The following DCDC2 variants were observed in gnomAD, a reference collection of about 807,000 sequenced individuals.
The protein encoded by DCDC2 is doublecortin domain containing 2, also known as doublecortin domain-containing protein 2.
A neutral mutation model predicts 50.2 loss-of-function variants in DCDC2; 40 were observed. The observed-to-expected ratio is 0.80, with a 90% CI of 0.62 to 1.04. The LOEUF is 1.04. Among genes scored for constraint, DCDC2 ranks in the 50% least tolerant of loss-of-function variants. The pLI is 0.00. For missense variants in DCDC2, 570 were observed against 581.9 expected (o/e 0.98, Z 0.21); for synonymous variants, 234 against 210.6 (o/e 1.11, Z -0.96).
At chr6:24,353,404 A>G in intron 2 of DCDC2, 165 bp downstream of exon 2, 1 of 652,762 alleles carries the variant, frequency 1.5e-6, no homozygotes, top group South Asian at 1.6e-5. Context: ...CATTTCTGAC[A>G]ATGATTCAAA....
chr6:24,313,294 T>C (rs1759604046), intron 2 of DCDC2, among the ~76,000 whole-genome samples: 1 of 152,118 alleles, frequency 6.6e-6, no homozygotes, highest in Non-Finnish European at 1.5e-5. Context: ...GAGAATAATA[T>C]GGCCCCCATA....
At chr6:24,265,535 C>T (rs778446998) in intron 7 of DCDC2, among the ~76,000 whole-genome samples, 8 of 150,016 alleles carry the variant, frequency 5.3e-5, no homozygotes, top group Non-Finnish European at 1.2e-4. Flanking sequence ...TTTAAAAAAA[C>T]TCAAAAAAAA....
At chr6:24,318,341 C>T (rs1312528312) in intron 2 of DCDC2, among the ~76,000 whole-genome samples, 2 of 152,184 alleles carry the variant, frequency 1.3e-5, no homozygotes, top group African/African-American at 2.4e-5. Flanking sequence ...AAGATCTTTA[C>T]ATACCAATAT....
Position 24,290,975 on chromosome 6 carries a change from T to C in DCDC2, c.661A>G (p.Ser221Gly), listed in dbSNP as rs2274305. The change falls in exon 5 of 10, where the codon AGT becomes GGT. Residue 221 changes from serine to glycine, a missense_variant. Coordinates refer to ENST00000378454, the MANE Select transcript of DCDC2 (RefSeq NM_016356.5). ...GRDKFKKLPY[S>G]ELLFDKSTMR... ...GTTGACTTGTCAAAAAGTAACTCACTGTAAGGCAGTTTCTTAAACTTATCT... is the reference window on the plus strand; with the variant it reads ...GTTGACTTGTCAAAAAGTAACTCACCGTAAGGCAGTTTCTTAAACTTATCT... The C allele has an allele frequency of 0.64, 1,035,539 of 1,613,216 alleles. 344,434 individuals are homozygous for C. Among genetic ancestry groups the C allele is most frequent in the East Asian group, 0.79 (35,241 of 44,834 alleles).
chr6:24,264,909 A>G (rs1167299936), intron 7 of DCDC2, among the ~76,000 whole-genome samples: 1 of 152,172 alleles, frequency 6.6e-6, no homozygotes, highest in Non-Finnish European at 1.5e-5. Context: ...CACAAACTGA[A>G]AATAAAGGGA....
At chr6:24,199,517 A>G (rs1484867977) in intron 8 of DCDC2, among the ~76,000 whole-genome samples, 1 of 152,222 alleles carries the variant, frequency 6.6e-6, no homozygotes. Context: ...GGTCAGCAAC[A>G]TCAAAGACCA....
chr6:24,279,846 A>C (rs1411642803), intron 6 of DCDC2, among the ~76,000 whole-genome samples: 2 of 152,208 alleles, frequency 1.3e-5, no homozygotes, highest in Admixed American at 6.5e-5. Context: ...ACTTGCCTTT[A>C]GGTCTAGCAT....
the DCDC2 span, among the ~76,000 whole-genome samples, chr6:24,381,508 T>TA: frequency 1.3e-5 from 2 of 152,256 alleles, no homozygotes; most frequent in Non-Finnish European, 2.9e-5. Context: ...AAGATGCTGC[T>TA]AAGCTGGCCT....
At chr6:24,208,571 A>T (rs1260598024) in intron 7 of DCDC2, among the ~76,000 whole-genome samples, 4 of 151,836 alleles carry the variant, frequency 2.6e-5, no homozygotes, top group Non-Finnish European at 5.9e-5. Flanking sequence ...GCGTTTCTCC[A>T]TGGTGGTTAG....
chr6:24,178,553 C>T lies in DCDC2; in HGVS notation c.1103G>A (p.Gly368Glu). ...TTCCTCTTCAAGGTCACCATTCATT[C>T]CTGAAAAGTCTTCTTTCTGTTCTGC... Reference protein sequence around the residue: ...KDAEQKEDFSGMNGDLEEEGG... With the variant: ...KDAEQKEDFSEMNGDLEEEGG... Residue 368 changes from glycine to glutamate, a missense_variant, in exon 9 of 10, where the codon GGA becomes GAA. Transcript: ENST00000378454. 6.2e-7 allele frequency: 1 copy of T among 1,614,154 alleles called. No homozygotes were observed. The highest frequency in any genetic ancestry group is 8.5e-7 in the Non-Finnish European group (1 of 1,180,026).
At chr6:24,246,082 T>A (rs193218660) in intron 7 of DCDC2, among the ~76,000 whole-genome samples, 1 of 152,118 alleles carries the variant, frequency 6.6e-6, no homozygotes, top group Non-Finnish European at 1.5e-5. Context: ...AACCTCCACC[T>A]CCTGGGTTCA....
At chr6:24,240,529 C>A (rs77419833) in intron 7 of DCDC2, among the ~76,000 whole-genome samples, 3,789 of 152,216 alleles carry the variant, frequency 0.025, 80 homozygotes, top group African/African-American at 0.053. Context: ...AGTTAATTTA[C>A]TTTATGGGCC....
At chr6:24,378,285 T>C in the DCDC2 span, among the ~76,000 whole-genome samples, 1 of 152,170 alleles carries the variant, frequency 6.6e-6, no homozygotes, top group South Asian at 2.1e-4. Context: ...CTCCCGCTTC[T>C]GTGTGCCATG....
intron 7 of DCDC2, among the ~76,000 whole-genome samples, chr6:24,207,630 T>C (rs1486874142): frequency 2.6e-5 from 4 of 152,208 alleles, no homozygotes; most frequent in South Asian, 2.1e-4. Context: ...AGACATGCGA[T>C]GTTTACTCTT....
At chr6:24,266,864 T>C (rs1330947942) in intron 7 of DCDC2, among the ~76,000 whole-genome samples, 1 of 152,208 alleles carries the variant, frequency 6.6e-6, no homozygotes, top group Admixed American at 6.5e-5. Flanking sequence ...TCCATGTTTA[T>C]TGCAGCACTA....
chr6:24,349,150 C>A (rs374314816), intron 2 of DCDC2, among the ~76,000 whole-genome samples: 32 of 152,300 alleles, frequency 2.1e-4, no homozygotes, highest in Middle Eastern at 3.4e-3. Context: ...CAGGTCAAAG[C>A]AGAAGGACGC....
intron 6 of DCDC2, among the ~76,000 whole-genome samples, chr6:24,287,398 C>G (rs1763637516): frequency 1.3e-5 from 2 of 152,136 alleles, no homozygotes; most frequent in African/African-American, 4.8e-5. Context: ...CTCTGTTGCC[C>G]AGGCTGAAGT....
intron 7 of DCDC2, among the ~76,000 whole-genome samples, chr6:24,230,790 T>C (rs570901322): frequency 6.6e-6 from 1 of 152,286 alleles, no homozygotes; most frequent in South Asian, 2.1e-4. Context: ...ATTAGGGATT[T>C]ATAGCTTTTT....
Position 24,178,548 on chromosome 6 carries a change from T to A in DCDC2, c.1108A>T (p.Asn370Tyr). ...CCTCCTTCCTCTTCAAGGTCACCAT[T>A]CATTCCTGAAAAGTCTTCTTTCTGT... ...AEQKEDFSGM[N>Y]GDLEEEGGRE... Residue 370 changes from asparagine to tyrosine, a missense_variant, in exon 9 of 10, where the codon AAT (asparagine) becomes TAT (tyrosine). By Grantham distance (143) the Asn-to-Tyr change is moderately radical. Transcript: ENST00000378454. 1 of 1,614,162 alleles carries A rather than the reference T, an allele frequency of 6.2e-7. No homozygotes were observed. Among genetic ancestry groups the A allele is most frequent in the Admixed American group, 1.7e-5 (1 of 60,016 alleles).
Sources: gnomAD v4.1 joint callset for allele counts (sites outside exome capture counted in the v4.1 genomes callset) on GRCh38, gnomAD v4.1.1 for gene constraint, MANE v1.5 for transcripts, NCBI Gene and HGNC (gene_info 2026-07-23, HGNC 2026-07-21) for gene names.